Variants in EPHA6 observed in about 807,000 individuals in gnomAD.
EPHA6 encodes ephrin type-A receptor 6.
In EPHA6, 50 loss-of-function variants were observed where a neutral mutation model predicts 112.0. The observed-to-expected ratio is 0.45, with a 90% CI of 0.36 to 0.56. The LOEUF is 0.56. Among genes scored for constraint, EPHA6 ranks in the 20% least tolerant of loss-of-function variants. The pLI, the probability that EPHA6 is intolerant of heterozygous loss-of-function variation, is 0.00. For missense variants in EPHA6, 1,280 were observed against 1,417.4 expected, an observed-to-expected ratio of 0.90 and a Z score of 1.56; for synonymous variants, 529 against 490.7, an observed-to-expected ratio of 1.08 and a Z score of -1.03.
chr3:97,001,035 TGTGTGTTC>T (rs1241182097), intron 3 of EPHA6, among the ~76,000 whole-genome samples: 4 of 149,010 alleles, frequency 2.7e-5, no homozygotes, highest in African/African-American at 5.0e-5. Context: ...TATATATGCA[TGTGTGTTC>T]GTATATATGT....
At chr3:97,460,103 T>C (rs568750346) in intron 7 of EPHA6, among the ~76,000 whole-genome samples, 1 of 152,348 alleles carries the variant, frequency 6.6e-6, no homozygotes, top group Non-Finnish European at 1.5e-5. Flanking sequence ...TGACATGCCA[T>C]GCAAAGGCAT....
intron 3 of EPHA6, among the ~76,000 whole-genome samples, chr3:97,224,942 T>G (rs2078308539): frequency 6.6e-6 from 1 of 151,966 alleles, no homozygotes; most frequent in Non-Finnish European, 1.5e-5. Flanking sequence ...TTTGCTTTTT[T>G]GGGTTTTTTT....
At chr3:97,016,581 A>G (rs1421332191) in intron 3 of EPHA6, among the ~76,000 whole-genome samples, 1 of 152,240 alleles carries the variant, frequency 6.6e-6, no homozygotes, top group Non-Finnish European at 1.5e-5. Flanking sequence ...ATGACATAAA[A>G]TAAACTGTAT....
chr3:97,730,647 A>T (rs1269089466), intron 15 of EPHA6, among the ~76,000 whole-genome samples: 1 of 152,074 alleles, frequency 6.6e-6, no homozygotes, highest in Non-Finnish European at 1.5e-5. Context: ...TCAGTCCTTA[A>T]TTAGGGAATC....
chr3:97,136,325 G>A (rs968774513), intron 3 of EPHA6, among the ~76,000 whole-genome samples: 8 of 152,088 alleles, frequency 5.3e-5, no homozygotes, highest in African/African-American at 1.9e-4. Context: ...AAAAAGCATG[G>A]TAGAGACTAT....
intron 11 of EPHA6, among the ~76,000 whole-genome samples, chr3:97,578,189 T>C (rs1248238805): frequency 6.6e-6 from 1 of 152,098 alleles, no homozygotes; most frequent in African/African-American, 2.4e-5. Flanking sequence ...AAATAAAAAG[T>C]AGAAAAATTA....
intron 6 of EPHA6, among the ~76,000 whole-genome samples, chr3:97,431,241 C>T (rs1034032637): frequency 6.6e-6 from 1 of 151,808 alleles, no homozygotes; most frequent in African/African-American, 2.4e-5. Context: ...AAACTGATGG[C>T]TTAAATTCTA....
intron 14 of EPHA6, among the ~76,000 whole-genome samples, chr3:97,652,199 T>G (rs1176636237): frequency 6.6e-6 from 1 of 152,090 alleles, no homozygotes; most frequent in Admixed American, 6.6e-5. Context: ...GCTTTTGTCC[T>G]TCAACAGTAA....
At chr3:97,482,977 G>A (rs915360868) in intron 9 of EPHA6, among the ~76,000 whole-genome samples, 2 of 152,190 alleles carry the variant, frequency 1.3e-5, no homozygotes, top group Non-Finnish European at 2.9e-5. Context: ...TAATGAGCCA[G>A]CTTGGTGGCT....
intron 12 of EPHA6, among the ~76,000 whole-genome samples, chr3:97,600,737 T>G (rs2093636462): frequency 1.3e-5 from 2 of 152,176 alleles, no homozygotes; most frequent in African/African-American, 4.8e-5. Context: ...GAATTCAATG[T>G]TCTATATATA....
intron 3 of EPHA6, among the ~76,000 whole-genome samples, chr3:97,084,326 C>T (rs1157575745): frequency 6.6e-6 from 1 of 150,978 alleles, no homozygotes; most frequent in Non-Finnish European, 1.5e-5. Flanking sequence ...ATCGTATAGC[C>T]CTTATAACAC....
intron 3 of EPHA6, among the ~76,000 whole-genome samples, chr3:97,179,754 TC>T (rs2076937112): frequency 6.7e-6 from 1 of 149,454 alleles, no homozygotes; most frequent in South Asian, 2.1e-4. Flanking sequence ...TCTCTCTCTC[TC>T]TCTCTCCTGA....
At chr3:97,092,006 T>G (rs894053715) in intron 3 of EPHA6, among the ~76,000 whole-genome samples, 1 of 151,694 alleles carries the variant, frequency 6.6e-6, no homozygotes, top group Non-Finnish European at 1.5e-5. Context: ...TGAGAACCAC[T>G]GTGATAGGGA....
intron 12 of EPHA6, among the ~76,000 whole-genome samples, chr3:97,599,653 T>A (rs1167167081): frequency 6.6e-6 from 1 of 151,926 alleles, no homozygotes; most frequent in Admixed American, 6.6e-5. Context: ...AGTACCATGC[T>A]GTTTTGGTTA....
At chr3:97,596,948 T>C (rs1481895064) in intron 12 of EPHA6, among the ~76,000 whole-genome samples, 1 of 146,330 alleles carries the variant, frequency 6.8e-6, no homozygotes, top group Non-Finnish European at 1.5e-5. Context: ...TATAGAGATA[T>C]ATACAGAGAG....
chr3:97,419,725 G>A (rs2088453017), intron 6 of EPHA6, among the ~76,000 whole-genome samples: 1 of 151,556 alleles, frequency 6.6e-6, no homozygotes, highest in South Asian at 2.1e-4. Flanking sequence ...GCAAAAGTGA[G>A]AAAATAAAAA....
chr3:96,901,125 G>C (rs924009048), intron 2 of EPHA6, among the ~76,000 whole-genome samples: 2 of 152,100 alleles, frequency 1.3e-5, no homozygotes, highest in African/African-American at 4.8e-5. Flanking sequence ...GGGGCAACCT[G>C]TTAATAGAGA....
At chr3:97,688,961 TA>T (rs1157745696) in intron 14 of EPHA6, among the ~76,000 whole-genome samples, 2 of 152,318 alleles carry the variant, frequency 1.3e-5, no homozygotes, top group East Asian at 3.9e-4. Flanking sequence ...ACCAAATGTA[TA>T]GATTATGCCT....
intron 5 of EPHA6, among the ~76,000 whole-genome samples, chr3:97,382,625 C>T (rs1372425958): frequency 2.6e-5 from 4 of 152,004 alleles, no homozygotes; most frequent in South Asian, 4.1e-4. Context: ...TAGTGATCTG[C>T]ATTACTCATA....
Sources: allele counts gnomAD v4.1 joint callset (sites outside exome capture counted in the v4.1 genomes callset), GRCh38; gene constraint gnomAD v4.1.1; transcripts MANE v1.5; gene names NCBI Gene and HGNC (gene_info 2026-07-23, HGNC 2026-07-21).